AKAP12: variants seen among roughly 807,000 people sequenced by gnomAD.
The protein encoded by AKAP12 is A-kinase anchoring protein 12, also known as A-kinase anchor protein 12.
AKAP12 carries 32 observed loss-of-function variants against 79.9 expected under a neutral mutation model. That is an observed-to-expected ratio of 0.40 (90% CI 0.30 to 0.54). The LOEUF is 0.54. AKAP12 is among the 20% of genes least tolerant of loss of function. AKAP12 has a pLI of 0.48. For synonymous variants in AKAP12, 808 were observed against 857.0 expected (o/e 0.94, Z 1.00); for missense variants, 2,074 against 2,177.0 (o/e 0.95, Z 0.94).
At chr6:151,275,138 C>G (rs1417854138) in intron 2 of AKAP12, among the ~76,000 whole-genome samples, 1 of 152,054 alleles carries the variant, frequency 6.6e-6, no homozygotes, top group East Asian at 1.9e-4. Context: ...TAATTTTTCT[C>G]ACAAACATGT....
At chr6:151,325,818 G>A (rs752821868) in intron 3 of AKAP12, 1 of 1,613,812 alleles carries the variant, frequency 6.2e-7, no homozygotes, top group Non-Finnish European at 8.5e-7. Flanking sequence ...GGAGGGCAGG[G>A]ACCCGCTAAG....
intron 2 of AKAP12, among the ~76,000 whole-genome samples, chr6:151,264,599 A>T (rs1276974076): frequency 6.6e-6 from 1 of 150,392 alleles, no homozygotes; most frequent in Non-Finnish European, 1.5e-5. Flanking sequence ...TGAACCCGGG[A>T]GGCAGAGGTT....
At chr6:151,242,717 C>T (rs1217995553) in intron 2 of AKAP12, among the ~76,000 whole-genome samples, 1 of 152,216 alleles carries the variant, frequency 6.6e-6, no homozygotes, top group Non-Finnish European at 1.5e-5. Context: ...ACCATGGACC[C>T]GTCCCAGCAG....
chr6:151,324,772 T>C (rs1777482381), intron 3 of AKAP12: 1 of 985,358 alleles, frequency 1.0e-6, no homozygotes, highest in Non-Finnish European at 1.2e-6. Context: ...AAAAAAAGTG[T>C]ATTAAAATTG....
At chr6:151,303,236 G>A (rs1359029746) in intron 2 of AKAP12, among the ~76,000 whole-genome samples, 1 of 152,080 alleles carries the variant, frequency 6.6e-6, no homozygotes, top group Admixed American at 6.6e-5. Flanking sequence ...TTTTGCAGAT[G>A]GGCTTTGTGG....
chr6:151,274,998 G>T (rs1212791025), intron 2 of AKAP12, among the ~76,000 whole-genome samples: 1 of 152,126 alleles, frequency 6.6e-6, no homozygotes, highest in African/African-American at 2.4e-5. Context: ...CAGCTACTTG[G>T]GAGGCTGAGG....
At chr6:151,251,336 TG>T (rs1318441257) in intron 2 of AKAP12, among the ~76,000 whole-genome samples, 6 of 152,232 alleles carry the variant, frequency 3.9e-5, no homozygotes, top group South Asian at 2.1e-4. Context: ...GAGACCCTCT[TG>T]TATAAGGCAG....
intron 3 of AKAP12, among the ~76,000 whole-genome samples, chr6:151,327,394 A>G (rs540761488): frequency 6.6e-6 from 1 of 152,242 alleles, no homozygotes; most frequent in Non-Finnish European, 1.5e-5. Flanking sequence ...ACTGTACAAA[A>G]TGAAAAAAAT....
In AKAP12 at chr6:151,315,037, G is replaced by A. The variant is rs575429725; in HGVS notation, c.319+9134G>A. ...ATTGCACTCCACCCTGGGCAACAGA[G>A]TGAGACTCTGTCTCAAGAAAAAAAA... On this transcript the variant is annotated intron_variant, in intron 3 of 4. Transcript: ENST00000402676. Among the ~76,000 whole-genome samples the A allele has an allele frequency of 2.1e-4, 31 of 148,474 alleles. No homozygotes were observed. In the East Asian group the frequency reaches 4.8e-3, roughly 23 times the overall value.
At chr6:151,334,321 C>T (rs1410866052) in intron 3 of AKAP12, among the ~76,000 whole-genome samples, 4 of 152,050 alleles carry the variant, frequency 2.6e-5, no homozygotes, top group South Asian at 2.1e-4. Flanking sequence ...CAGCTGGGAG[C>T]GGTGGCTCAC....
chr6:151,254,760 T>C (rs561653113), intron 2 of AKAP12, among the ~76,000 whole-genome samples: 1 of 152,356 alleles, frequency 6.6e-6, no homozygotes, highest in African/African-American at 2.4e-5. Context: ...ATTTTTGTCC[T>C]AAACTGAGAA....
chr6:151,240,897 G>A (rs1310571620), intron 2 of AKAP12, among the ~76,000 whole-genome samples, 173 bp downstream of exon 2: 2 of 152,204 alleles, frequency 1.3e-5, no homozygotes, highest in African/African-American at 4.8e-5. Flanking sequence ...CTTTCGCGCC[G>A]GGGCGGGGCC....
chr6:151,252,783 G>T (rs185965706), intron 2 of AKAP12, among the ~76,000 whole-genome samples: 443 of 149,728 alleles, frequency 3.0e-3, no homozygotes, highest in African/African-American at 0.01. Context: ...AAGAGATGCC[G>T]CCGGATGAGC....
At chr6:151,347,460 G>GA (rs1443668485) in intron 3 of AKAP12, among the ~76,000 whole-genome samples, 1 of 152,202 alleles carries the variant, frequency 6.6e-6, no homozygotes, top group African/African-American at 2.4e-5. Context: ...TGTGATGTGG[G>GA]ATTCCATCTT....
chr6:151,286,535 T>C (rs1201498074), intron 2 of AKAP12, among the ~76,000 whole-genome samples: 3 of 152,226 alleles, frequency 2.0e-5, no homozygotes, highest in Non-Finnish European at 4.4e-5. Context: ...ACTCTCCCTT[T>C]CTAGTCACTC....
Position 151,240,536 on chromosome 6 carries a change from T to C in AKAP12, c.-27T>C. On this transcript the variant is annotated 5_prime_UTR_variant, in exon 2 of 5. Coordinates refer to ENST00000402676, the MANE Select transcript of AKAP12 (RefSeq NM_005100.4). The stretch of plus-strand genomic sequence containing the variant: ...CTTGGGGAAGGCGTAACCCGGCGGC[T>C]AGGCGCGGGAGAAGTGCGGAGGAGC... The C allele has an allele frequency of 7.1e-7, 1 of 1,415,570 alleles. No homozygotes were observed. Among genetic ancestry groups the C allele is most frequent in the Non-Finnish European group, 9.2e-7 (1 of 1,090,914 alleles). The allele number at this position is 1,415,570 out of a possible 1,614,324, so 87.7% of individuals were successfully genotyped here. A position where few individuals can be genotyped will look rare whatever the true frequency, so the allele number is the denominator to read the frequency against.
chr6:151,316,820 G>A (rs893120525), intron 3 of AKAP12, among the ~76,000 whole-genome samples: 8 of 151,964 alleles, frequency 5.3e-5, no homozygotes, highest in African/African-American at 1.9e-4. Context: ...TAGTAGAGAC[G>A]GGGTTCTACT....
rs536068504 is a variant in AKAP12 at position 151,336,903 on chromosome 6, G to C, written c.320-11808G>C. On this transcript the variant is annotated intron_variant, in intron 3 of 4. Coordinates refer to ENST00000402676, the MANE Select transcript of AKAP12 (RefSeq NM_005100.4). ...GTCTAAGAACAGAGATTTTGCCCAA[G>C]GACCCGGTGCTAGTAAGTGGTACAG... Among the ~76,000 whole-genome samples, 370 of 152,240 alleles carry C rather than the reference G, an allele frequency of 2.4e-3. 1 individual carries two copies. The highest frequency in any genetic ancestry group is 5.4e-3 in the South Asian group (26 of 4,824).
At chr6:151,247,876 G>A (rs1354726488) in intron 2 of AKAP12, among the ~76,000 whole-genome samples, 1 of 152,128 alleles carries the variant, frequency 6.6e-6, no homozygotes, top group African/African-American at 2.4e-5. Flanking sequence ...ACACCATTAG[G>A]CACCTCTTAA....
Sources: gnomAD v4.1 joint callset for allele counts (sites outside exome capture counted in the v4.1 genomes callset) on GRCh38, gnomAD v4.1.1 for gene constraint, MANE v1.5 for transcripts, NCBI Gene and HGNC (gene_info 2026-07-23, HGNC 2026-07-21) for gene names.